CASP2: variants seen among roughly 807,000 people sequenced by gnomAD.
CASP2 encodes caspase-2.
A neutral mutation model predicts 54.4 loss-of-function variants in CASP2; 38 were observed. That is an observed-to-expected ratio of 0.70 (90% confidence interval 0.54 to 0.92). The LOEUF (loss-of-function observed/expected upper bound fraction) is 0.92, where lower values mean the gene tolerates loss of function less well. Among genes scored for constraint, CASP2 ranks in the 40% least tolerant of loss-of-function variants. The pLI is 0.00. For synonymous variants in CASP2, 215 were observed against 216.3 expected, an observed-to-expected ratio of 0.99 and a Z score of 0.05; for missense variants, 512 against 579.6, an observed-to-expected ratio of 0.88 and a Z score of 1.20.
chr7:143,291,559 A>G lies in CASP2; in HGVS notation c.94A>G (p.Met32Val), dbSNP rs1801558311. ...RGRRILGVCG[M>V]HPHHQETLKK... ...CTGTAGGATATTGGGAGTGTGTGGCATGCATCCTCATCATCAGGAAACTCT... is the reference window on the plus strand; with the variant it reads ...CTGTAGGATATTGGGAGTGTGTGGCGTGCATCCTCATCATCAGGAAACTCT... The change falls in exon 2 of 11, where the codon ATG (methionine) becomes GTG (valine). Residue 32 changes from methionine (M) to valine (V), a missense_variant. By Grantham distance (21) the Met-to-Val change is conservative. Around this residue, in one of 3 missense-constraint regions of CASP2, gnomAD observed 89 missense variants for 67.1 expected, o/e 1.33. Transcript: ENST00000310447. 3 of 1,614,048 alleles carry G rather than the reference A, an allele frequency of 1.9e-6. No homozygotes were observed. The highest frequency in any genetic ancestry group is 2.5e-6 in the Non-Finnish European group (3 of 1,179,990).
At chr7:143,289,696 A>T in intron 1 of CASP2, 1 of 705,732 alleles carries the variant, frequency 1.4e-6, no homozygotes. Flanking sequence ...GATCGTTATT[A>T]CTGCTTTGAC....
At position 143,288,384 on chromosome 7, in the gene CASP2, G is replaced by T. The variant is rs879846223; in HGVS notation, c.-72G>T. 15 of 1,480,088 alleles carry T rather than the reference G, an allele frequency of 1.0e-5. No homozygotes were observed. In the East Asian group the frequency reaches 2.1e-4, roughly 20 times the overall value. 91.7% of individuals were successfully genotyped at this position (1,480,088 alleles called of 1,614,324 possible). ...CGTCCGCGTCTGAGGGGAGGGATGT[G>T]GGGGAAGCGACGGCCCCCGGTTTGT... On this transcript the variant is annotated 5_prime_UTR_variant, in exon 1 of 11. Transcript: ENST00000310447.
intron 6 of CASP2, among the ~76,000 whole-genome samples, chr7:143,296,232 T>C (rs1298787316): frequency 1.3e-5 from 2 of 152,230 alleles, no homozygotes; most frequent in Non-Finnish European, 2.9e-5. Flanking sequence ...TTCAGTGACC[T>C]ATTGGATTCT....
At chr7:143,288,782 G>A (rs1801465191) in intron 1 of CASP2, among the ~76,000 whole-genome samples, 1 of 152,238 alleles carries the variant, frequency 6.6e-6, no homozygotes, top group African/African-American at 2.4e-5. Context: ...AACCCACGAG[G>A]GTTCTAAAGG....
chr7:143,294,817 A>G (rs1663493646), intron 6 of CASP2, 44 bp downstream of exon 6: 1 of 1,537,416 alleles, frequency 6.5e-7, no homozygotes, highest in African/African-American at 1.4e-5. Flanking sequence ...AGAGGACTGA[A>G]CAACACTTTG....
At chr7:143,298,759 C>T (rs1230629993) in intron 6 of CASP2, 14 of 151,638 alleles carry the variant, frequency 9.2e-5, no homozygotes, top group East Asian at 7.7e-4. Context: ...AGTGATCTTA[C>T]ACCTGTAAAT....
rs562570069 is a variant in CASP2 at position 143,304,877 on chromosome 7, C to G, written c.1228-63C>G. 44 of 1,612,098 alleles carry G rather than the reference C, an allele frequency of 2.7e-5. 1 individual carries two copies. The South Asian group carries it at 3.7e-4, about 14-fold the overall frequency. ...TCTTTCATAGTCCGTCTCCCCTTCC[C>G]GTTTGCTGCTCTCCTGAAGCCCGAG... is the stretch of plus-strand genomic sequence containing the variant. On this transcript the variant is annotated intron_variant, in intron 10 of 10. Coordinates refer to ENST00000310447, the MANE Select transcript of CASP2 (RefSeq NM_032982.4).
At chr7:143,301,093 A>G (rs899318398) in intron 8 of CASP2, 3 of 206,418 alleles carry the variant, frequency 1.5e-5, no homozygotes, top group African/African-American at 7.1e-5. Flanking sequence ...TACCTACTTC[A>G]TAAGGTGCTT....
At position 143,296,310 on chromosome 7, in the gene CASP2, G is replaced by A. The variant is rs923541144; in HGVS notation, c.747+1537G>A. Among the ~76,000 whole-genome samples the A allele has an allele frequency of 8.5e-5, 13 of 152,154 alleles. 3 individuals are homozygous for A. The highest frequency in any genetic ancestry group is 5.9e-4 in the Admixed American group (9 of 15,262). On this transcript the variant is annotated intron_variant, in intron 6 of 10. Transcript: ENST00000310447. The stretch of plus-strand genomic sequence containing the variant: ...GTTGAACTTCAAGCACCTTATAATG[G>A]GGGACTATGTGAGCTGCCACAGATT...
At chr7:143,298,927 A>G (rs1329861646) in intron 6 of CASP2, 1 of 151,714 alleles carries the variant, frequency 6.6e-6, no homozygotes, top group Non-Finnish European at 1.5e-5. Context: ...GTAATGGCAC[A>G]TTTTTTGCAA....
chr7:143,305,339 G>C lies in CASP2; in HGVS notation c.*268G>C, dbSNP rs1296414271. The C allele has an allele frequency of 1.8e-6, 1 of 550,002 alleles. No homozygotes were observed. The highest frequency in any genetic ancestry group is 3.0e-5 in the Admixed American group (1 of 33,556). 34.1% of individuals were successfully genotyped at this position (550,002 alleles called of 1,614,324 possible). On this transcript the variant is annotated 3_prime_UTR_variant, in exon 11 of 11. Transcript: ENST00000310447. ...CAGCTGCAGTTGAAGAGCCTGACAA[G>C]TGAAGTTGTAAACACAGTGTGGTTA... is the stretch of plus-strand genomic sequence containing the variant.
At position 143,299,853 on chromosome 7, in the gene CASP2, A is replaced by G. The variant is rs1586465097; in HGVS notation, c.748-70A>G. ...CTTCTAATAGCTTAGGGTTTCAAAAAGAAACCAAACTTTGATGCTTATGTT... is the reference window on the plus strand; with the variant it reads ...CTTCTAATAGCTTAGGGTTTCAAAAGGAAACCAAACTTTGATGCTTATGTT... On this transcript the variant is annotated intron_variant, in intron 6 of 10. Transcript: ENST00000310447. 17 of 1,589,140 alleles carry G rather than the reference A, an allele frequency of 1.1e-5. 1 individual carries two copies. The East Asian group carries it at 3.6e-4, about 33-fold the overall frequency.
rs1801868524 is a variant in CASP2 at position 143,300,052 on chromosome 7, G to A, written c.876+1G>A. 1 of 1,614,118 alleles carries A rather than the reference G, an allele frequency of 6.2e-7. No individual in the cohort carries two copies. ...TGGTGTGGATGGGAAACTGCTCCAG[G>A]TGCGGATACCCTGGTGGAAGCCAAC... On this transcript the variant is annotated splice_donor_variant, in intron 7 of 10. Transcript: ENST00000310447. LOFTEE classifies it high-confidence loss of function.
intron 1 of CASP2, 21 bp from the exon 2 acceptor site, chr7:143,291,519 C>T: frequency 1.2e-6 from 2 of 1,613,812 alleles, no homozygotes; most frequent in South Asian, 2.2e-5. Context: ...GACAGCCTTT[C>T]CTTCTACCGT....
In CASP2 at chr7:143,291,620, T is replaced by C; in HGVS notation, c.155T>C (p.Leu52Ser). The change falls in exon 2 of 11, where the codon TTG becomes TCG. Residue 52 changes from leucine to serine, a missense_variant. Physicochemically the swap from Leu to Ser is moderately radical, Grantham distance 145. Coordinates refer to ENST00000310447, the MANE Select transcript of CASP2 (RefSeq NM_032982.4). ...CGAGTGGTGCTAGCCAAACAGCTGT[T>C]GTTGAGCGAATTGTTAGAACATCTT... ...KNRVVLAKQLLLSELLEHLLE... is the reference protein window; with the variant it reads ...KNRVVLAKQLSLSELLEHLLE... The C allele has an allele frequency of 6.2e-7, 1 of 1,613,988 alleles. No individual in the cohort carries two copies. Among genetic ancestry groups the C allele is most frequent in the Non-Finnish European group, 8.5e-7 (1 of 1,179,964 alleles).
At position 143,307,097 on chromosome 7, in the gene CASP2, T is replaced by G. The variant is rs1251982080; in HGVS notation, c.*2026T>G. 6.6e-6 allele frequency: 1 copy of G among 152,238 alleles called. No homozygotes were observed. The highest frequency in any genetic ancestry group is 1.5e-5 in the Non-Finnish European group (1 of 68,056). The allele number at this position is 152,238 out of a possible 1,614,324, so 9.4% of individuals were successfully genotyped here. A position where few individuals can be genotyped will look rare whatever the true frequency, so the allele number is the denominator to read the frequency against. ...CAAGTCTTGACAATTCCCGGGCCCT[T>G]CAGTCCCTGAGCAGTCTACTTCTGT... On this transcript the variant is annotated 3_prime_UTR_variant, in exon 11 of 11. Coordinates refer to ENST00000310447, the MANE Select transcript of CASP2 (RefSeq NM_032982.4).
chr7:143,299,929 C>G lies in CASP2; in HGVS notation c.754C>G (p.Gln252Glu). 6.2e-7 allele frequency: 1 copy of G among 1,614,136 alleles called. No homozygotes were observed. The highest frequency in any genetic ancestry group is 8.5e-7 in the Non-Finnish European group (1 of 1,180,010). Residue 252 changes from glutamine to glutamate, a missense_variant, in exon 7 of 11, where the codon CAA (glutamine) becomes GAA (glutamate). Transcript: ENST00000310447. ...VLCDQTAQEM[Q>E]EKLQNFAQLP... is the part of the protein sequence containing the mutation. ...AAACATTCCTTTCTTTTAGGAAATG[C>G]AAGAGAAACTGCAGAATTTTGCACA...
chr7:143,300,488 T>C (rs1355630688), intron 8 of CASP2, 194 bp downstream of exon 8: 3 of 1,591,638 alleles, frequency 1.9e-6, no homozygotes, highest in Admixed American at 1.7e-5. Context: ...GGGCAGCCCA[T>C]GGCTCTCAGG....
At chr7:143,291,392 C>A (rs1448220793) in intron 1 of CASP2, 148 bp from the exon 2 acceptor site, 2 of 786,962 alleles carry the variant, frequency 2.5e-6, no homozygotes, top group African/African-American at 3.4e-5. Flanking sequence ...CTTAGTACAT[C>A]TTTGCTTTAA....
Sources: gnomAD v4.1 joint callset for allele counts (sites outside exome capture counted in the v4.1 genomes callset) on GRCh38, gnomAD v4.1.1 for gene constraint, gnomAD v4.1.1 regional missense constraint, MANE v1.5 for transcripts, NCBI Gene and HGNC (gene_info 2026-07-23, HGNC 2026-07-21) for gene names.